TTLL5: variants seen among roughly 807,000 people sequenced by gnomAD.
The protein encoded by TTLL5 is tubulin tyrosine ligase like 5.
TTLL5 carries 132 observed loss-of-function variants against 168.4 expected under a neutral mutation model. That is an observed-to-expected ratio of 0.78 (90% CI 0.68 to 0.91). TTLL5 has a LOEUF of 0.91. Ranked by LOEUF, TTLL5 falls within the 40% of genes least tolerant of loss-of-function variation. TTLL5 has a pLI of 0.00. For missense variants in TTLL5, 1,545 were observed against 1,581.5 expected (o/e 0.98, Z 0.39); for synonymous variants, 546 against 558.6 (o/e 0.98, Z 0.32).
chr14:75,727,666 A>G (rs767983641), intron 12 of TTLL5, among the ~76,000 whole-genome samples: 1 of 152,236 alleles, frequency 6.6e-6, no homozygotes. Flanking sequence ...AATTTATTGT[A>G]TGTAAATTAG....
At chr14:75,779,463 T>C in intron 23 of TTLL5, 112 bp from the exon 24 acceptor site, 1 of 1,474,562 alleles carries the variant, frequency 6.8e-7, no homozygotes, top group Non-Finnish European at 9.2e-7. Context: ...ATTTTCAGCT[T>C]GTGCTTTTCA....
chr14:75,899,708 G>C (rs2032833678), intron 30 of TTLL5, among the ~76,000 whole-genome samples: 2 of 152,126 alleles, frequency 1.3e-5, no homozygotes, highest in Admixed American at 6.5e-5. Flanking sequence ...GTGAAACTGG[G>C]AACCAGGGAC....
chr14:75,735,515 C>T (rs752920140), intron 15 of TTLL5, among the ~76,000 whole-genome samples: 3 of 152,182 alleles, frequency 2.0e-5, no homozygotes, highest in Non-Finnish European at 4.4e-5. Flanking sequence ...TTTCTCTTGG[C>T]TTTTTTTCAT....
chr14:75,699,359 A>G, intron 7 of TTLL5, 89 bp downstream of exon 7: 3 of 1,167,976 alleles, frequency 2.6e-6, no homozygotes, highest in Non-Finnish European at 3.8e-6. Context: ...GTTCCATTTC[A>G]TTAAGAGCAG....
At chr14:75,749,302 T>C (rs2140268127) in intron 17 of TTLL5, among the ~76,000 whole-genome samples, 1 of 152,320 alleles carries the variant, frequency 6.6e-6, no homozygotes, top group Middle Eastern at 3.4e-3. Context: ...TTACAAATAA[T>C]CTTGAGGTCT....
At chr14:75,917,721 G>A (rs532220673) in intron 31 of TTLL5, among the ~76,000 whole-genome samples, 7 of 152,322 alleles carry the variant, frequency 4.6e-5, no homozygotes, top group South Asian at 4.1e-4. Flanking sequence ...AACCGCCTTC[G>A]AAGGGACAGC....
intron 3 of TTLL5, among the ~76,000 whole-genome samples, chr14:75,673,050 T>C (rs2140098489): frequency 6.6e-6 from 1 of 152,078 alleles, no homozygotes; most frequent in Admixed American, 6.5e-5. Context: ...GTGATCCTCC[T>C]GCCCCAGCCT....
Position 75,727,622 on chromosome 14 carries a change from C to T in TTLL5, c.1043-4716C>T, listed in dbSNP as rs368994308. ...GTGTTAGACAACTGCATATATTTGT[C>T]AAAACTCACCAAAATGTATACTTTA... On this transcript the variant is annotated intron_variant, in intron 12 of 31. Transcript: ENST00000298832. 1.7e-3 allele frequency among the ~76,000 whole-genome samples: 255 copies of T among 152,124 alleles called. 2 individuals are homozygous for T. The South Asian group carries it at 0.03, about 18-fold the overall frequency.
intron 28 of TTLL5, among the ~76,000 whole-genome samples, chr14:75,851,249 A>G (rs1419594194): frequency 2.0e-5 from 3 of 152,200 alleles, no homozygotes; most frequent in African/African-American, 7.2e-5. Flanking sequence ...AAATACACAC[A>G]GAGGAAGAAT....
chr14:75,792,051 A>G (rs1892758410), intron 26 of TTLL5, among the ~76,000 whole-genome samples: 1 of 152,010 alleles, frequency 6.6e-6, no homozygotes, highest in Admixed American at 6.6e-5. Context: ...TGGGACTATA[A>G]GCATGAGCCA....
chr14:75,903,428 A>G (rs78481980), intron 31 of TTLL5, among the ~76,000 whole-genome samples: 8,641 of 152,068 alleles, frequency 0.057, 282 homozygotes, highest in Non-Finnish European at 0.066. Context: ...GGACTGGGGC[A>G]TGAGCAGGGA....
In TTLL5 at chr14:75,720,479, A is replaced by G. The variant is rs987454906; in HGVS notation, c.935-117A>G. The G allele has an allele frequency of 1.7e-5, 13 of 761,656 alleles. No homozygotes were observed. The African/African-American group carries it at 2.1e-4, about 12-fold the overall frequency. 47.2% of individuals were successfully genotyped at this position (761,656 alleles called of 1,614,324 possible). ...TAGCACCCATTCAGAAGTCTGCCAT[A>G]TAGAGGCTTTTTTGAATGAGCACAC... On this transcript the variant is annotated intron_variant, in intron 11 of 31. Transcript: ENST00000298832.
chr14:75,832,372 T>A (rs530904312), intron 28 of TTLL5, among the ~76,000 whole-genome samples: 1 of 152,324 alleles, frequency 6.6e-6, no homozygotes, highest in Admixed American at 6.5e-5. Flanking sequence ...CCAAATTTGC[T>A]GCTTCCTCTG....
At chr14:75,891,183 AT>A (rs2032385053) in intron 30 of TTLL5, among the ~76,000 whole-genome samples, 1 of 152,124 alleles carries the variant, frequency 6.6e-6, no homozygotes, top group Admixed American at 6.5e-5. Flanking sequence ...CATGCTTCCC[AT>A]TCTTTGTTCC....
chr14:75,730,987 G>A (rs1388902696), intron 12 of TTLL5, among the ~76,000 whole-genome samples: 1 of 152,040 alleles, frequency 6.6e-6, no homozygotes, highest in Non-Finnish European at 1.5e-5. Context: ...CAAAGTGCTG[G>A]GATTACAGGC....
chr14:75,780,909 T>G (rs1892009600), intron 24 of TTLL5, among the ~76,000 whole-genome samples: 1 of 152,208 alleles, frequency 6.6e-6, no homozygotes, highest in Non-Finnish European at 1.5e-5. Flanking sequence ...GGCATTTTCA[T>G]GGTTGCTAGG....
chr14:75,803,188 C>T (rs1330013899), intron 27 of TTLL5: 1 of 152,164 alleles, frequency 6.6e-6, no homozygotes, highest in African/African-American at 2.4e-5. Flanking sequence ...GAGGATGAGG[C>T]AGTGCCACTC....
intron 31 of TTLL5, among the ~76,000 whole-genome samples, chr14:75,942,936 C>G (rs952107214): frequency 2.0e-5 from 3 of 152,148 alleles, no homozygotes; most frequent in African/African-American, 7.2e-5. Context: ...TAAGACATAA[C>G]TTCATTTATT....
At chr14:75,924,069 G>A (rs1419106769) in intron 31 of TTLL5, among the ~76,000 whole-genome samples, 1 of 117,680 alleles carries the variant, frequency 8.5e-6, no homozygotes, top group Non-Finnish European at 1.7e-5. Flanking sequence ...CTTTCCATTT[G>A]CCTGGTAGAT....
Sources: allele counts gnomAD v4.1 joint callset (sites outside exome capture counted in the v4.1 genomes callset), GRCh38; gene constraint gnomAD v4.1.1; transcripts MANE v1.5; gene names NCBI Gene and HGNC (gene_info 2026-07-23, HGNC 2026-07-21).